Variants in LHFPL3 observed in about 807,000 individuals in gnomAD.
LHFPL3 encodes the protein LHFPL tetraspan subfamily member 3 protein.
In LHFPL3, 5 loss-of-function variants were observed where a neutral mutation model predicts 19.3. The observed-to-expected ratio is 0.26, with a 90% CI of 0.14 to 0.54. LHFPL3 has a LOEUF of 0.54. LHFPL3 is among the 20% of genes least tolerant of loss of function. The pLI is 0.94. For missense variants in LHFPL3, 249 were observed against 307.4 expected (o/e 0.81, Z 1.42); for synonymous variants, 133 against 126.2 (o/e 1.05, Z -0.36).
chr7:104,542,597 A>AGTCATAGTCCTC lies in LHFPL3; in HGVS notation c.446-194077_446-194066dup, dbSNP rs528030271. 8.2e-3 allele frequency among the ~76,000 whole-genome samples: 1,254 copies of AGTCATAGTCCTC among 152,264 alleles called. 8 individuals are homozygous for AGTCATAGTCCTC. Among genetic ancestry groups the AGTCATAGTCCTC allele is most frequent in the Non-Finnish European group, 0.012 (801 of 68,020 alleles). ...TTGGCCAAGAGACCATGAATAGACAAGTCATAGTCCTCAATAAGGCATCAC... is the reference window on the plus strand; with the variant it reads ...TTGGCCAAGAGACCATGAATAGACAAGTCATAGTCCTCGTCATAGTCCTCAATAAGGCATCAC... On this transcript the variant is annotated intron_variant, in intron 1 of 2. Transcript: ENST00000424859.
chr7:104,643,052 A>AT (rs1791865882), intron 1 of LHFPL3, among the ~76,000 whole-genome samples: 1 of 152,102 alleles, frequency 6.6e-6, no homozygotes, highest in East Asian at 1.9e-4. Flanking sequence ...TGTTTTCTAT[A>AT]TTTTTCAAAT....
chr7:104,417,890 T>C (rs948173715), intron 1 of LHFPL3, among the ~76,000 whole-genome samples: 1 of 148,362 alleles, frequency 6.7e-6, no homozygotes, highest in Admixed American at 6.7e-5. Context: ...TCTTCTTTTT[T>C]TTTTTTTTTT....
chr7:104,450,540 A>G (rs984231076), intron 1 of LHFPL3, among the ~76,000 whole-genome samples: 1 of 151,752 alleles, frequency 6.6e-6, no homozygotes, highest in African/African-American at 2.4e-5. Flanking sequence ...ATATGGACAC[A>G]GGGAGGGGAA....
At chr7:104,391,411 G>A (rs113965904) in intron 1 of LHFPL3, among the ~76,000 whole-genome samples, 17,061 of 151,908 alleles carry the variant, frequency 0.11, 1,275 homozygotes, top group African/African-American at 0.22. Context: ...ATGGCTAGCC[G>A]GTTTTCCCAG....
intron 2 of LHFPL3, among the ~76,000 whole-genome samples, chr7:104,827,621 T>TTTGA (rs372883360): frequency 6.6e-6 from 1 of 151,792 alleles, no homozygotes; most frequent in Non-Finnish European, 1.5e-5. Flanking sequence ...TGTTTTTTTT[T>TTTGA]TTGATTGATA....
intron 1 of LHFPL3, among the ~76,000 whole-genome samples, chr7:104,732,428 C>G (rs1793722606): frequency 6.6e-6 from 1 of 152,230 alleles, no homozygotes; most frequent in African/African-American, 2.4e-5. Context: ...TTCAGAGATT[C>G]AACTTCTTCC....
intron 1 of LHFPL3, among the ~76,000 whole-genome samples, chr7:104,663,775 A>C (rs546402270): frequency 1.3e-5 from 2 of 152,360 alleles, no homozygotes; most frequent in African/African-American, 4.8e-5. Context: ...TATGTTGACT[A>C]TCACAGAATC....
chr7:104,628,556 A>G (rs1454511821), intron 1 of LHFPL3, among the ~76,000 whole-genome samples: 1 of 152,128 alleles, frequency 6.6e-6, no homozygotes, highest in Non-Finnish European at 1.5e-5. Context: ...ATTTAGTTTG[A>G]GTCTATGTTG....
chr7:104,430,383 C>CGTAT (rs1378252206), intron 1 of LHFPL3, among the ~76,000 whole-genome samples: 4 of 39,686 alleles, frequency 1.0e-4, no homozygotes, highest in East Asian at 6.8e-4. Flanking sequence ...TATATATATA[C>CGTAT]ATATATATAT....
chr7:104,350,526 G>C (rs1790152075), intron 1 of LHFPL3, among the ~76,000 whole-genome samples: 1 of 152,234 alleles, frequency 6.6e-6, no homozygotes, highest in East Asian at 1.9e-4. Context: ...CTGAATGGAA[G>C]ATTCATTTAT....
intron 2 of LHFPL3, 50 bp from the exon 3 acceptor site, chr7:104,906,137 T>C: frequency 6.3e-7 from 1 of 1,574,806 alleles, no homozygotes; most frequent in Non-Finnish European, 8.7e-7. Flanking sequence ...AATGATGTAT[T>C]TTTTCTCTCC....
chr7:104,694,098 G>A (rs1397424673), intron 1 of LHFPL3, among the ~76,000 whole-genome samples: 1 of 152,154 alleles, frequency 6.6e-6, no homozygotes, highest in Non-Finnish European at 1.5e-5. Flanking sequence ...CTCCTTCCCT[G>A]TTCAGAAAGA....
At chr7:104,566,511 A>C (rs903169022) in intron 1 of LHFPL3, among the ~76,000 whole-genome samples, 1 of 152,176 alleles carries the variant, frequency 6.6e-6, no homozygotes, top group African/African-American at 2.4e-5. Context: ...GGCTTTTTTA[A>C]TATTAAAGAG....
At chr7:104,820,168 C>CA (rs1000689404) in intron 2 of LHFPL3, among the ~76,000 whole-genome samples, 53 of 151,470 alleles carry the variant, frequency 3.5e-4, no homozygotes, top group African/African-American at 9.7e-4. Context: ...ACAGACCATG[C>CA]AAAAAAAAGA....
intron 1 of LHFPL3, among the ~76,000 whole-genome samples, chr7:104,535,745 T>C (rs10081196): frequency 0.073 from 11,132 of 152,174 alleles, 1,292 homozygotes; most frequent in African/African-American, 0.25. Context: ...GGGAGAATCA[T>C]TGGCAACCAA....
At chr7:104,343,677 C>T (rs1790006152) in intron 1 of LHFPL3, among the ~76,000 whole-genome samples, 1 of 151,812 alleles carries the variant, frequency 6.6e-6, no homozygotes, top group African/African-American at 2.4e-5. Flanking sequence ...ATTGTCACTT[C>T]ATCTGCCTCA....
At chr7:104,554,494 G>A (rs1255989339) in intron 1 of LHFPL3, among the ~76,000 whole-genome samples, 4 of 152,026 alleles carry the variant, frequency 2.6e-5, no homozygotes, top group Non-Finnish European at 4.4e-5. Context: ...AAATTAGCTC[G>A]TGTTATAGAC....
chr7:104,429,634 T>G (rs763534401), intron 1 of LHFPL3, among the ~76,000 whole-genome samples: 21 of 152,180 alleles, frequency 1.4e-4, no homozygotes, highest in Admixed American at 9.8e-4. Context: ...TCTTTAATTA[T>G]TTCTTGCAAA....
At chr7:104,739,887 T>C (rs1157782294) in intron 2 of LHFPL3, among the ~76,000 whole-genome samples, 1 of 152,244 alleles carries the variant, frequency 6.6e-6, no homozygotes, top group African/African-American at 2.4e-5. Context: ...ATGTCTTTTA[T>C]AATCTTCCAG....
Sources: gnomAD v4.1 joint callset for allele counts (sites outside exome capture counted in the v4.1 genomes callset) on GRCh38, gnomAD v4.1.1 for gene constraint, MANE v1.5 for transcripts, NCBI Gene and HGNC (gene_info 2026-07-23, HGNC 2026-07-21) for gene names.